PIEZO2: variants seen among roughly 807,000 people sequenced by gnomAD.
The protein encoded by PIEZO2 is piezo type mechanosensitive ion channel component 2, also known as piezo-type mechanosensitive ion channel component 2.
A neutral mutation model predicts 337.3 loss-of-function variants in PIEZO2; 172 were observed. The ratio of observed to expected loss-of-function variants is 0.51; its 90% CI spans 0.45 to 0.58. PIEZO2 has a LOEUF of 0.58. PIEZO2 is among the 20% of genes least tolerant of loss of function. The probability of loss-of-function intolerance (pLI) is 0.00; values close to 1 mark genes in which losing one functional copy is unlikely to be tolerated. For missense variants in PIEZO2, 3,028 were observed against 3,391.3 expected, an observed-to-expected ratio of 0.89 and a Z score of 2.66; for synonymous variants, 1,251 against 1,228.5, an observed-to-expected ratio of 1.02 and a Z score of -0.38.
intron 18 of PIEZO2, among the ~76,000 whole-genome samples, chr18:10,777,558 A>T (rs963396145): frequency 6.6e-6 from 1 of 152,216 alleles, no homozygotes. Flanking sequence ...AAATTACTTG[A>T]CAGGGACGCT....
rs972543150 is a variant in PIEZO2 at position 11,110,324 on chromosome 18, T to C, written c.64+38201A>G. 2.6e-5 allele frequency among the ~76,000 whole-genome samples: 4 copies of C among 152,220 alleles called. No homozygotes were observed. Among genetic ancestry groups the C allele is most frequent in the Non-Finnish European group, 5.9e-5 (4 of 68,040 alleles). On this transcript the variant is annotated intron_variant, in intron 1 of 55. Coordinates refer to ENST00000674853, the MANE Select transcript of PIEZO2 (RefSeq NM_001378183.1). This position sits in a 1 kb window ranked among gnomAD's most constrained non-coding sequence, Gnocchi z 4.2. ...AGATGTCTTAAAAGGTAAATCTCAATTCTGTTCTTTCTTTTCCAGAAATAT... is the reference window on the plus strand; with the variant it reads ...AGATGTCTTAAAAGGTAAATCTCAACTCTGTTCTTTCTTTTCCAGAAATAT...
intron 3 of PIEZO2, among the ~76,000 whole-genome samples, chr18:10,934,729 C>A (rs990028107): frequency 6.6e-6 from 1 of 150,486 alleles, no homozygotes; most frequent in Non-Finnish European, 1.5e-5. Context: ...AGCCTAAACA[C>A]CTGGAATAAT....
At position 11,129,591 on chromosome 18, in the gene PIEZO2, G is replaced by C. The variant is rs1453473431; in HGVS notation, c.64+18934C>G. Among the ~76,000 whole-genome samples the C allele has an allele frequency of 6.6e-6, 1 of 152,144 alleles. No individual in the cohort carries two copies. The highest frequency in any genetic ancestry group is 1.5e-5 in the Non-Finnish European group (1 of 68,038). ...AGACTTGAGCCAGTTTATGCACCCAGAACCCCTTGAATGAAGGGGAGGCTG... is the reference window on the plus strand; with the variant it reads ...AGACTTGAGCCAGTTTATGCACCCACAACCCCTTGAATGAAGGGGAGGCTG... On this transcript the variant is annotated intron_variant, in intron 1 of 55. Coordinates refer to ENST00000674853, the MANE Select transcript of PIEZO2 (RefSeq NM_001378183.1). The surrounding 1 kb of genome is among the most constrained non-coding windows in gnomAD (Gnocchi z 4.6).
Position 10,969,235 on chromosome 18 carries a change from G to A in PIEZO2, c.286+10300C>T, listed in dbSNP as rs1293208866. On this transcript the variant is annotated intron_variant, in intron 3 of 55. Transcript: ENST00000674853. The surrounding 1 kb of genome is among the most constrained non-coding windows in gnomAD (Gnocchi z 4.5). ...CCATACCACACGGACTTGCGTTAGT[G>A]CTTTTATTGTAAATAATTTACACTA... 6.6e-6 allele frequency among the ~76,000 whole-genome samples: 1 copy of A among 152,128 alleles called. No homozygotes were observed. The highest frequency in any genetic ancestry group is 1.5e-5 in the Non-Finnish European group (1 of 68,018).
chr18:10,800,053 C>A (rs185073827), intron 11 of PIEZO2, among the ~76,000 whole-genome samples: 90 of 151,862 alleles, frequency 5.9e-4, no homozygotes, highest in African/African-American at 2.0e-3. Context: ...GAAAGACCAA[C>A]ATATGTATAG....
chr18:10,828,333 CACTA>C lies in PIEZO2; in HGVS notation c.918-21063_918-21060del, dbSNP rs1228685511. On this transcript the variant is annotated intron_variant, in intron 7 of 55. Coordinates refer to ENST00000674853, the MANE Select transcript of PIEZO2 (RefSeq NM_001378183.1). This position sits in a 1 kb window ranked among gnomAD's most constrained non-coding sequence, Gnocchi z 4.1. ...TTTAAAGTTATTAAAATTGGATGCC[CACTA>C]ACTAACCTGGACATCAGACAACGAA... Among the ~76,000 whole-genome samples the C allele has an allele frequency of 3.3e-5, 5 of 152,072 alleles. No individual in the cohort carries two copies. The highest frequency in any genetic ancestry group is 2.9e-5 in the Non-Finnish European group (2 of 68,004).
At chr18:10,814,199 G>C (rs572693243) in intron 7 of PIEZO2, among the ~76,000 whole-genome samples, 3 of 151,954 alleles carry the variant, frequency 2.0e-5, no homozygotes, top group South Asian at 2.1e-4. Context: ...TTGATCTCCT[G>C]ACCTCATGAT....
At chr18:10,808,455 T>C (rs1015511111) in intron 7 of PIEZO2, among the ~76,000 whole-genome samples, 44 of 152,308 alleles carry the variant, frequency 2.9e-4, no homozygotes, top group African/African-American at 9.9e-4. Flanking sequence ...TTATAGAATC[T>C]TCAAAGGCTG....
chr18:10,932,145 T>C (rs1439283234), intron 3 of PIEZO2, among the ~76,000 whole-genome samples: 1 of 152,214 alleles, frequency 6.6e-6, no homozygotes, highest in Non-Finnish European at 1.5e-5. Context: ...ATCATATGAC[T>C]AAACATACTA....
rs2062419 is a variant in PIEZO2, at chr18:10,876,485, C to T, written c.330-5070G>A. ...ATAATTTGGAAACTATACTAATGTA[C>T]ATAATTATACACCTACCTTCTCTAT... On this transcript the variant is annotated intron_variant, in intron 4 of 55. Coordinates refer to ENST00000674853, the MANE Select transcript of PIEZO2 (RefSeq NM_001378183.1). Among the ~76,000 whole-genome samples the T allele has an allele frequency of 3.3e-4, 50 of 152,252 alleles. No homozygotes were observed. The East Asian group carries it at 8.1e-3, about 25-fold the overall frequency.
intron 7 of PIEZO2, among the ~76,000 whole-genome samples, chr18:10,820,844 C>A (rs1357057534): frequency 6.6e-6 from 1 of 152,100 alleles, no homozygotes; most frequent in Non-Finnish European, 1.5e-5. Context: ...CCTGCAGTAA[C>A]CTTCACGGTA....
At chr18:11,045,884 C>T (rs2037294257) in intron 2 of PIEZO2, among the ~76,000 whole-genome samples, 1 of 152,158 alleles carries the variant, frequency 6.6e-6, no homozygotes, top group South Asian at 2.1e-4. Context: ...GTTTTGCTTG[C>T]CGTTGTATGA....
chr18:10,790,861 C>T (rs1221207936), intron 14 of PIEZO2, among the ~76,000 whole-genome samples: 1 of 152,158 alleles, frequency 6.6e-6, no homozygotes, highest in South Asian at 2.1e-4. Flanking sequence ...CCCACCACTA[C>T]GCCCGGCTAG....
intron 22 of PIEZO2, 63 bp downstream of exon 22, chr18:10,762,859 C>A: frequency 6.7e-7 from 1 of 1,490,958 alleles, no homozygotes; most frequent in Middle Eastern, 1.8e-4. Flanking sequence ...TGGGGGTTCC[C>A]CAAGTATCTG....
At position 10,979,619 on chromosome 18, in the gene PIEZO2, G is replaced by T; in HGVS notation, c.202C>A (p.Leu68Ile). 6.5e-7 allele frequency: 1 copy of T among 1,536,004 alleles called. No individual in the cohort carries two copies. The highest frequency in any genetic ancestry group is 1.2e-5 in the South Asian group (1 of 83,956). Reference protein sequence around the residue: ...RLLKSLCFISLSFLLLHIIFH... With the variant: ...RLLKSLCFISISFLLLHIIFH... ...ATGATGTGCAGCAACAGGAAGGAAA[G>T]ACTGATGAAGCACAGAGACTTTAAT... The change falls in exon 3 of 56, where the codon CTT becomes ATT. Residue 68 changes from leucine (L) to isoleucine (I), a missense_variant. By Grantham distance (5) the Leu-to-Ile change is conservative. Coordinates refer to ENST00000674853, the MANE Select transcript of PIEZO2 (RefSeq NM_001378183.1). The surrounding 1 kb of genome is among the most constrained non-coding windows in gnomAD (Gnocchi z 4.0).
rs1327505743 is a variant in PIEZO2, at chr18:10,889,319, T to A, written c.330-17904A>T. 2.6e-5 allele frequency among the ~76,000 whole-genome samples: 4 copies of A among 152,244 alleles called. No individual in the cohort carries two copies. In the East Asian group the frequency reaches 7.7e-4, roughly 29 times the overall value. ...CAGCAACTTAATCTGAACTGCTGCC[T>A]ATTTAGTAGAAGTAAGAGTGTTCTT... On this transcript the variant is annotated intron_variant, in intron 4 of 55. Coordinates refer to ENST00000674853, the MANE Select transcript of PIEZO2 (RefSeq NM_001378183.1).
At chr18:10,904,230 T>TG (rs2043119775) in intron 4 of PIEZO2, among the ~76,000 whole-genome samples, 1 of 152,198 alleles carries the variant, frequency 6.6e-6, no homozygotes, top group East Asian at 1.9e-4. Context: ...CCAGCATTGT[T>TG]GTCATAATGT....
intron 4 of PIEZO2, among the ~76,000 whole-genome samples, chr18:10,886,406 A>G (rs868194044): frequency 2.8e-4 from 12 of 42,328 alleles, no homozygotes; most frequent in South Asian, 2.3e-3. Context: ...ATATATATAT[A>G]TATATATATA....
At chr18:10,944,519 T>G (rs1310525460) in intron 3 of PIEZO2, among the ~76,000 whole-genome samples, 1 of 20,730 alleles carries the variant, frequency 4.8e-5, no homozygotes, top group East Asian at 6.1e-4. Flanking sequence ...TAGTAACAGA[T>G]ATATATATAT....
Sources: allele counts gnomAD v4.1 joint callset (sites outside exome capture counted in the v4.1 genomes callset), GRCh38; gene constraint gnomAD v4.1.1; non-coding constraint Gnocchi (gnomAD v3.1); transcripts MANE v1.5; gene names NCBI Gene and HGNC (gene_info 2026-07-23, HGNC 2026-07-21).